The following GPC5 variants were observed in gnomAD, a reference collection of about 807,000 sequenced individuals.
GPC5 encodes the protein glypican-5.
GPC5 carries 47 observed loss-of-function variants against 53.9 expected under a neutral mutation model. That is an observed-to-expected ratio of 0.87 (90% CI 0.69 to 1.11). The LOEUF (loss-of-function observed/expected upper bound fraction) is 1.11, where lower values mean the gene tolerates loss of function less well. GPC5 is among the 50% of genes most tolerant of loss of function. The pLI is 0.00. For missense variants in GPC5, 748 were observed against 713.1 expected (o/e 1.05, Z -0.56); for synonymous variants, 286 against 263.3 (o/e 1.09, Z -0.84).
At chr13:92,729,187 G>A (rs915128476) in intron 7 of GPC5, among the ~76,000 whole-genome samples, 1 of 151,174 alleles carries the variant, frequency 6.6e-6, no homozygotes, top group African/African-American at 2.4e-5. Context: ...CTAATCAAAT[G>A]TGATCTAGAT....
At chr13:92,749,548 GATT>G (rs761772391) in intron 7 of GPC5, among the ~76,000 whole-genome samples, 13 of 152,052 alleles carry the variant, frequency 8.5e-5, no homozygotes, top group Non-Finnish European at 1.6e-4. Context: ...ATTTAAATGT[GATT>G]ATTAAGACGA....
intron 7 of GPC5, among the ~76,000 whole-genome samples, chr13:92,561,599 A>C (rs1882695733): frequency 6.6e-6 from 1 of 152,054 alleles, no homozygotes; most frequent in African/African-American, 2.4e-5. Context: ...CATGGTCATA[A>C]ATAGAGAAAT....
At chr13:92,075,949 C>A (rs1165599743) in intron 6 of GPC5, among the ~76,000 whole-genome samples, 2 of 152,084 alleles carry the variant, frequency 1.3e-5, no homozygotes, top group African/African-American at 4.8e-5. Context: ...GAAAAGCAGA[C>A]AGTTTTGTAT....
At chr13:92,517,037 C>T (rs12871580) in intron 7 of GPC5, among the ~76,000 whole-genome samples, 46 of 152,222 alleles carry the variant, frequency 3.0e-4, no homozygotes, top group Middle Eastern at 3.4e-3. Context: ...TTATATCCCG[C>T]GCCTGTCTCG....
chr13:92,508,280 C>T lies in GPC5; in HGVS notation c.1562-358002C>T, dbSNP rs181640208. Among the ~76,000 whole-genome samples the T allele has an allele frequency of 1.2e-3, 177 of 152,212 alleles. 1 individual carries two copies. The highest frequency in any genetic ancestry group is 3.6e-3 in the African/African-American group (151 of 41,538). On this transcript the variant is annotated intron_variant, in intron 7 of 7. Coordinates refer to ENST00000377067, the MANE Select transcript of GPC5 (RefSeq NM_004466.6). ...CATGGCCTACTTATAAGAGTTAACT[C>T]AATAAATTAGCATTCATTTGTAAAT...
intron 2 of GPC5, among the ~76,000 whole-genome samples, chr13:91,453,906 AT>A (rs571290260): frequency 8.7e-4 from 133 of 152,172 alleles, no homozygotes; most frequent in Non-Finnish European, 1.6e-3. Flanking sequence ...AAAATGTTAA[AT>A]CCATTATACT....
At chr13:92,703,572 A>T (rs1051000856) in intron 7 of GPC5, among the ~76,000 whole-genome samples, 3 of 150,182 alleles carry the variant, frequency 2.0e-5, no homozygotes, top group African/African-American at 7.3e-5. Context: ...GGTTAATATT[A>T]TATAAATTCA....
At chr13:91,645,805 A>G (rs1412248684) in intron 2 of GPC5, among the ~76,000 whole-genome samples, 1 of 152,194 alleles carries the variant, frequency 6.6e-6, no homozygotes, top group Non-Finnish European at 1.5e-5. Flanking sequence ...GTTGTAATGC[A>G]GACTTCTGGG....
At chr13:92,282,998 C>T (rs2042927842) in intron 7 of GPC5, among the ~76,000 whole-genome samples, 1 of 152,130 alleles carries the variant, frequency 6.6e-6, no homozygotes. Flanking sequence ...TCAGGAGACC[C>T]ATCTCACATG....
At chr13:91,916,334 T>C (rs960745778) in intron 6 of GPC5, among the ~76,000 whole-genome samples, 1 of 152,210 alleles carries the variant, frequency 6.6e-6, no homozygotes, top group African/African-American at 2.4e-5. Flanking sequence ...CAAAAACTTG[T>C]ACATGATTGT....
chr13:92,595,330 T>A (rs1883833895), intron 7 of GPC5, among the ~76,000 whole-genome samples: 1 of 152,206 alleles, frequency 6.6e-6, no homozygotes, highest in African/African-American at 2.4e-5. Context: ...ATCATCTACA[T>A]CATTCTCTCA....
intron 6 of GPC5, among the ~76,000 whole-genome samples, chr13:92,073,712 T>C (rs1203787086): frequency 6.6e-6 from 1 of 152,192 alleles, no homozygotes; most frequent in African/African-American, 2.4e-5. Context: ...ACTGCTTGGT[T>C]CAAATAATAT....
chr13:92,441,765 A>G (rs1877577269), intron 7 of GPC5, among the ~76,000 whole-genome samples: 1 of 152,182 alleles, frequency 6.6e-6, no homozygotes, highest in Non-Finnish European at 1.5e-5. Context: ...CTTGCCTAGA[A>G]CAGTTTACAG....
At chr13:91,413,183 A>C (rs994568482) in intron 1 of GPC5, among the ~76,000 whole-genome samples, 1 of 152,196 alleles carries the variant, frequency 6.6e-6, no homozygotes, top group African/African-American at 2.4e-5. Flanking sequence ...CAGGTAGCTG[A>C]GGTGGGAGGA....
At chr13:91,942,922 C>T (rs193284382) in intron 6 of GPC5, among the ~76,000 whole-genome samples, 5 of 152,080 alleles carry the variant, frequency 3.3e-5, no homozygotes, top group African/African-American at 1.2e-4. Context: ...TATTTAAGCT[C>T]TTCATGGAGA....
intron 7 of GPC5, among the ~76,000 whole-genome samples, chr13:92,263,169 AATT>A (rs1163665532): frequency 8.8e-4 from 134 of 152,234 alleles, no homozygotes; most frequent in African/African-American, 3.0e-3. Flanking sequence ...TATATTTGTA[AATT>A]ATTAGAGAAT....
At chr13:92,656,851 G>A (rs187847140) in intron 7 of GPC5, among the ~76,000 whole-genome samples, 103 of 152,280 alleles carry the variant, frequency 6.8e-4, no homozygotes, top group African/African-American at 2.1e-3. Context: ...CTACTCTTAC[G>A]AGTCTGAGGA....
Position 91,778,641 on chromosome 13 carries a change from A to G in GPC5, c.1280+22221A>G, listed in dbSNP as rs9560855. ...GATCAACTTCAAGCTTCTGTGCTTGACTTCCAATGCCCTCCAAGGTCTAGC... is the reference window on the plus strand; with the variant it reads ...GATCAACTTCAAGCTTCTGTGCTTGGCTTCCAATGCCCTCCAAGGTCTAGC... On this transcript the variant is annotated intron_variant, in intron 5 of 7. Transcript: ENST00000377067. Among the ~76,000 whole-genome samples the G allele has an allele frequency of 6.0e-4, 91 of 152,244 alleles. 1 individual carries two copies. The East Asian group carries it at 0.016, about 26-fold the overall frequency.
chr13:91,577,800 GAC>G lies in GPC5; in HGVS notation c.326-115384_326-115383del, dbSNP rs1480173600. ...TTCCTTGTCTTTTTCATAGTCTCCT[GAC>G]ACCTCTTACCCTTATACCAATATAT... On this transcript the variant is annotated intron_variant, in intron 2 of 7. Transcript: ENST00000377067. 2.0e-5 allele frequency among the ~76,000 whole-genome samples: 3 copies of G among 152,284 alleles called. No individual in the cohort carries two copies. The East Asian group carries it at 5.8e-4, about 29-fold the overall frequency.
Sources: allele counts gnomAD v4.1 joint callset (sites outside exome capture counted in the v4.1 genomes callset), GRCh38; gene constraint gnomAD v4.1.1; transcripts MANE v1.5; gene names NCBI Gene and HGNC (gene_info 2026-07-23, HGNC 2026-07-21).